Variants in ATP2B2 observed in about 807,000 individuals in gnomAD.
ATP2B2 encodes ATPase plasma membrane Ca2+ transporting 2.
Under a neutral mutation model 120.0 loss-of-function variants are expected in ATP2B2, and 15 were observed. That is an observed-to-expected ratio of 0.12 (90% CI 0.08 to 0.19). ATP2B2 has a LOEUF of 0.19. Ranked by LOEUF, ATP2B2 falls within the 10% of genes least tolerant of loss-of-function variation. The pLI is 1.00. For synonymous variants in ATP2B2, 694 were observed against 700.3 expected, an observed-to-expected ratio of 0.99 and a Z score of 0.14; for missense variants, 1,045 against 1,719.8, an observed-to-expected ratio of 0.61 and a Z score of 6.94.
In ATP2B2 at chr3:10,490,400, C is replaced by CTTTTTT. The variant is rs34189325; in HGVS notation, c.-320+15059_-320+15064dup. On this transcript the variant is annotated intron_variant, in intron 1 of 22. Coordinates refer to ENST00000360273, the MANE Select transcript of ATP2B2 (RefSeq NM_001001331.4). ...ACAATACATGTCAGTCCACGGCATT[C>CTTTTTT]TTTTTTTTTTTTTTTTTCTCTGAGA... Among the ~76,000 whole-genome samples the CTTTTTT allele has an allele frequency of 1.5e-5, 2 of 136,834 alleles. 1 individual carries two copies. Among genetic ancestry groups the CTTTTTT allele is most frequent in the Admixed American group, 1.5e-4 (2 of 13,596 alleles). 89.8% of individuals were successfully genotyped at this position (136,834 alleles called of 152,430 possible).
At chr3:10,551,483 T>TA (rs1341419647) in intron 2 of ATP2B2, among the ~76,000 whole-genome samples, 2 of 152,238 alleles carry the variant, frequency 1.3e-5, no homozygotes, top group Admixed American at 1.3e-4. Flanking sequence ...CCTTCCTCTG[T>TA]AACACCCCAC....
intron 5 of ATP2B2, among the ~76,000 whole-genome samples, chr3:10,390,872 C>G (rs1395398316): frequency 6.6e-6 from 1 of 152,202 alleles, no homozygotes; most frequent in Non-Finnish European, 1.5e-5. Context: ...CCACCCTGCT[C>G]TGTCACCCTG....
intron 3 of ATP2B2, among the ~76,000 whole-genome samples, chr3:10,533,652 G>A (rs2067254344): frequency 6.6e-6 from 1 of 152,238 alleles, no homozygotes; most frequent in Non-Finnish European, 1.5e-5. Context: ...GAATGAAGCA[G>A]GACCAGGTGA....
intron 2 of ATP2B2, among the ~76,000 whole-genome samples, chr3:10,545,959 G>A (rs1456370547): frequency 6.6e-6 from 1 of 152,170 alleles, no homozygotes; most frequent in African/African-American, 2.4e-5. Context: ...ATTCCAACAA[G>A]AAAATTACTA....
At chr3:10,694,112 T>C (rs1235175825) in intron 1 of ATP2B2, among the ~76,000 whole-genome samples, 1 of 152,188 alleles carries the variant, frequency 6.6e-6, no homozygotes, top group Non-Finnish European at 1.5e-5. Flanking sequence ...AACCAAGAAA[T>C]GGGCATTGTT....
At chr3:10,378,496 C>A in intron 9 of ATP2B2, 86 bp from the exon 10 acceptor site, 1 of 1,554,716 alleles carries the variant, frequency 6.4e-7, no homozygotes, top group Non-Finnish European at 8.7e-7. Flanking sequence ...ACGCTGGCAC[C>A]CACCCCTGCC....
At chr3:10,633,613 G>A (rs2069935318) in intron 1 of ATP2B2, among the ~76,000 whole-genome samples, 1 of 152,220 alleles carries the variant, frequency 6.6e-6, no homozygotes, top group Admixed American at 6.5e-5. Context: ...TGATATTGAA[G>A]CACTAGGCCC....
chr3:10,524,592 A>G (rs554185641), intron 3 of ATP2B2, among the ~76,000 whole-genome samples: 4 of 152,076 alleles, frequency 2.6e-5, no homozygotes, highest in Non-Finnish European at 2.9e-5. Context: ...CCAAGTTTCC[A>G]TCTCTCAATA....
In ATP2B2 at chr3:10,633,982, T is replaced by A. The variant is rs186028764; in HGVS notation, c.-459-14021A>T. Among the ~76,000 whole-genome samples the A allele has an allele frequency of 9.3e-4, 141 of 152,276 alleles. 2 individuals carry two copies. The highest frequency in any genetic ancestry group is 3.2e-3 in the African/African-American group (134 of 41,574). On this transcript the variant is annotated intron_variant, in intron 1 of 21. Transcript: ENST00000646379. ...CCGCTCAAAGGATCCCAGGTAAGAA[T>A]GCCCCACCGCCCAACCCGATCAAGA...
At chr3:10,536,333 T>C (rs1394521684) in intron 2 of ATP2B2, among the ~76,000 whole-genome samples, 2 of 93,668 alleles carry the variant, frequency 2.1e-5, no homozygotes, top group African/African-American at 9.3e-5. Flanking sequence ...GTCACAGGAT[T>C]TTTTTTTTTT....
At chr3:10,445,565 G>A (rs2063809435) in intron 2 of ATP2B2, among the ~76,000 whole-genome samples, 1 of 152,248 alleles carries the variant, frequency 6.6e-6, no homozygotes. Flanking sequence ...CTCCAGGTGG[G>A]ACATCCAGTA....
intron 2 of ATP2B2, among the ~76,000 whole-genome samples, chr3:10,611,946 C>T (rs2069250669): frequency 6.6e-6 from 1 of 152,188 alleles, no homozygotes; most frequent in Non-Finnish European, 1.5e-5. Context: ...GGTTGTTACG[C>T]CTATCCTGAT....
At chr3:10,473,397 G>A (rs979543982) in intron 1 of ATP2B2, among the ~76,000 whole-genome samples, 6 of 152,144 alleles carry the variant, frequency 3.9e-5, no homozygotes, top group East Asian at 1.9e-4. Context: ...TTTGGGAGGC[G>A]GAGGCAGGTG....
chr3:10,449,510 T>C lies in ATP2B2; in HGVS notation c.34A>G (p.Lys12Glu), dbSNP rs1311937271. The change falls in exon 2 of 23, where the codon AAA becomes GAA. Residue 12 changes from lysine to glutamate, a missense_variant. Around this residue, in one of 11 missense-constraint regions of ATP2B2, gnomAD observed 139 missense variants for 134.2 expected, o/e 1.04. Coordinates refer to ENST00000360273, the MANE Select transcript of ATP2B2 (RefSeq NM_001001331.4). ...GDMTNSDFYS[K>E]NQRNESSHGG... ...TGGCTCGACTCATTTCTTTGGTTTT[T>C]GGAGTAAAAGTCGCTGTTGGTCATG... The C allele has an allele frequency of 1.2e-6, 2 of 1,614,256 alleles. No homozygotes were observed. Among genetic ancestry groups the C allele is most frequent in the Non-Finnish European group, 1.7e-6 (2 of 1,180,044 alleles).
rs544010333 is a variant in ATP2B2, at chr3:10,438,081, C to T, written c.199+11264G>A. Among the ~76,000 whole-genome samples the T allele has an allele frequency of 1.6e-4, 24 of 152,170 alleles. No individual in the cohort carries two copies. The East Asian group carries it at 2.1e-3, about 13-fold the overall frequency. On this transcript the variant is annotated intron_variant, in intron 2 of 22. Coordinates refer to ENST00000360273, the MANE Select transcript of ATP2B2 (RefSeq NM_001001331.4). ...CAGGGGAGAGCAGGGAGGGGGGTGGCGGGTGTCTCTGCCCCCTGGCCCATA... is the reference window on the plus strand; with the variant it reads ...CAGGGGAGAGCAGGGAGGGGGGTGGTGGGTGTCTCTGCCCCCTGGCCCATA...
intron 1 of ATP2B2, among the ~76,000 whole-genome samples, chr3:10,624,082 G>A (rs545717655): frequency 1.2e-4 from 19 of 152,302 alleles, no homozygotes; most frequent in African/African-American, 4.6e-4. Flanking sequence ...ATTTCACAAG[G>A]CAATGACTAA....
intron 1 of ATP2B2, among the ~76,000 whole-genome samples, chr3:10,461,286 A>G (rs2125236365): frequency 6.6e-6 from 1 of 152,324 alleles, no homozygotes; most frequent in South Asian, 2.1e-4. Context: ...CTGTGCACTC[A>G]TCTTCCACAC....
intron 3 of ATP2B2, among the ~76,000 whole-genome samples, chr3:10,516,258 G>T (rs1379971262): frequency 6.6e-6 from 1 of 152,178 alleles, no homozygotes; most frequent in African/African-American, 2.4e-5. Context: ...CCTGGCCCCA[G>T]CCCCTGGGCC....
At chr3:10,391,378 G>A (rs368383798) in intron 5 of ATP2B2, among the ~76,000 whole-genome samples, 8 of 152,160 alleles carry the variant, frequency 5.3e-5, no homozygotes. Flanking sequence ...AGAAAGGTTC[G>A]CTGGAAATGA....
Sources: gnomAD v4.1 joint callset for allele counts (sites outside exome capture counted in the v4.1 genomes callset) on GRCh38, gnomAD v4.1.1 for gene constraint, gnomAD v4.1.1 regional missense constraint, MANE v1.5 for transcripts, NCBI Gene and HGNC (gene_info 2026-07-23, HGNC 2026-07-21) for gene names.